Variants in SLC12A8 observed in about 807,000 individuals in gnomAD.
The protein encoded by SLC12A8 is cation-chloride cotransporter 9.
SLC12A8 carries 69 observed loss-of-function variants against 75.6 expected under a neutral mutation model. The observed-to-expected ratio is 0.91, with a 90% confidence interval of 0.75 to 1.11. The LOEUF (loss-of-function observed/expected upper bound fraction) is 1.11, where lower values mean the gene tolerates loss of function less well. Ranked by LOEUF, SLC12A8 falls within the 50% of genes most tolerant of loss-of-function variation. The probability of loss-of-function intolerance (pLI) is 0.00; values close to 1 mark genes in which losing one functional copy is unlikely to be tolerated. For synonymous variants in SLC12A8, 365 were observed against 372.8 expected (o/e 0.98, Z 0.24); for missense variants, 877 against 896.7 (o/e 0.98, Z 0.28).
At chr3:125,206,363 C>T (rs1202231428) in intron 2 of SLC12A8, among the ~76,000 whole-genome samples, 2 of 152,224 alleles carry the variant, frequency 1.3e-5, no homozygotes, top group African/African-American at 4.8e-5. Context: ...TCAATATTTA[C>T]GTCCTCCTGG....
chr3:125,088,231 CA>C, intron 13 of SLC12A8, 78 bp downstream of exon 13: 1 of 1,459,342 alleles, frequency 6.9e-7, no homozygotes, highest in Non-Finnish European at 9.6e-7. Context: ...CAAGCCCAGC[CA>C]GGAATGGGAC....
intron 7 of SLC12A8, 75 bp downstream of exon 7, chr3:125,120,524 G>A (rs1368068430): frequency 1.7e-5 from 18 of 1,055,206 alleles, no homozygotes; most frequent in Non-Finnish European, 2.3e-5. Flanking sequence ...CAGAACAAAA[G>A]GGGCAATCCC....
At chr3:125,116,962 G>A (rs1939325522) in intron 8 of SLC12A8, among the ~76,000 whole-genome samples, 1 of 152,158 alleles carries the variant, frequency 6.6e-6, no homozygotes. Context: ...TACAAATGAG[G>A]GCTATAGATT....
intron 4 of SLC12A8, among the ~76,000 whole-genome samples, chr3:125,184,131 C>A (rs887840391): frequency 1.3e-5 from 2 of 151,970 alleles, no homozygotes; most frequent in Admixed American, 6.6e-5. Context: ...CGCCACCACG[C>A]CTGGCTAATT....
intron 2 of SLC12A8, among the ~76,000 whole-genome samples, chr3:125,205,063 A>G (rs1002247321): frequency 2.6e-5 from 4 of 151,984 alleles, no homozygotes; most frequent in Non-Finnish European, 5.9e-5. Flanking sequence ...CCTGACCCCA[A>G]TCATCCCAGA....
intron 2 of SLC12A8, among the ~76,000 whole-genome samples, chr3:125,209,492 ATTACT>A (rs890768374): frequency 6.6e-6 from 1 of 152,146 alleles, no homozygotes; most frequent in African/African-American, 2.4e-5. Flanking sequence ...CACTTCCACC[ATTACT>A]TTAAGACTTA....
At chr3:125,198,269 AC>A (rs66514227) in intron 2 of SLC12A8, among the ~76,000 whole-genome samples, 18,259 of 147,936 alleles carry the variant, frequency 0.12, 1,531 homozygotes, top group Middle Eastern at 0.17. Context: ...AAAAAAAAAA[AC>A]AAAACAGTCA....
At chr3:125,190,597 G>A in intron 2 of SLC12A8, 76 bp from the exon 3 acceptor site, 1 of 1,544,820 alleles carries the variant, frequency 6.5e-7, no homozygotes, top group Non-Finnish European at 8.8e-7. Context: ...GGAACAGGAG[G>A]AGGGAGGTAG....
At chr3:125,135,620 G>A (rs774517113) in intron 6 of SLC12A8, 49 bp downstream of exon 6, 26 of 1,256,430 alleles carry the variant, frequency 2.1e-5, no homozygotes, top group Non-Finnish European at 2.9e-5. Flanking sequence ...TTGGAACCAA[G>A]AATGTATACC....
chr3:125,198,485 T>C (rs1268974860), intron 2 of SLC12A8, among the ~76,000 whole-genome samples: 1 of 151,926 alleles, frequency 6.6e-6, no homozygotes, highest in Non-Finnish European at 1.5e-5. Flanking sequence ...ATACAAAAAT[T>C]AGCTGGGTGT....
intron 6 of SLC12A8, among the ~76,000 whole-genome samples, chr3:125,133,370 C>A (rs895076342): frequency 1.6e-4 from 13 of 83,208 alleles, no homozygotes; most frequent in African/African-American, 4.3e-4. Flanking sequence ...CACGCACACA[C>A]ACACACACAA....
chr3:125,205,182 G>A (rs747763060), intron 2 of SLC12A8, among the ~76,000 whole-genome samples: 6 of 152,176 alleles, frequency 3.9e-5, no homozygotes, highest in Admixed American at 1.3e-4. Flanking sequence ...CTCTCCTGCA[G>A]AAACCCCAAT....
chr3:125,112,381 C>T (rs1469393851), intron 8 of SLC12A8, among the ~76,000 whole-genome samples: 1 of 152,134 alleles, frequency 6.6e-6, no homozygotes, highest in Non-Finnish European at 1.5e-5. Context: ...GTTTCCATCA[C>T]TTTATGTGAT....
At chr3:125,127,629 G>A (rs1933241269) in intron 6 of SLC12A8, among the ~76,000 whole-genome samples, 1 of 152,208 alleles carries the variant, frequency 6.6e-6, no homozygotes, top group East Asian at 1.9e-4. Context: ...GGACCTTGAA[G>A]CCCAGGCTTC....
Position 125,128,243 on chromosome 3 carries a change from G to C in SLC12A8, c.736+7426C>G, listed in dbSNP as rs1335730092. Among the ~76,000 whole-genome samples, 26 of 126,958 alleles carry C rather than the reference G, an allele frequency of 2.0e-4. 1 individual carries two copies. Among genetic ancestry groups the C allele is most frequent in the East Asian group, 1.4e-3 (6 of 4,218 alleles). 83.3% of individuals were successfully genotyped at this position (126,958 alleles called of 152,430 possible). A position where few individuals can be genotyped will look rare whatever the true frequency, so the allele number is the denominator to read the frequency against. ...TCGCCCAGGCTGGAGTGCAGTGGCG[G>C]GATCTCGGCTCACTGCAAGCTCCGC... On this transcript the variant is annotated intron_variant, in intron 6 of 13. Transcript: ENST00000469902.
At chr3:125,147,604 G>T (rs540298093) in intron 5 of SLC12A8, among the ~76,000 whole-genome samples, 3 of 152,282 alleles carry the variant, frequency 2.0e-5, no homozygotes, top group South Asian at 4.1e-4. Flanking sequence ...AGTCACTGGG[G>T]TGCTGGATGA....
chr3:125,150,152 C>T (rs1385956732), intron 5 of SLC12A8, among the ~76,000 whole-genome samples: 1 of 152,118 alleles, frequency 6.6e-6, no homozygotes, highest in Non-Finnish European at 1.5e-5. Context: ...GATTGGGAGA[C>T]CCATAATGGC....
intron 2 of SLC12A8, among the ~76,000 whole-genome samples, chr3:125,209,405 G>A (rs1405323925): frequency 6.6e-6 from 1 of 152,200 alleles, no homozygotes; most frequent in Non-Finnish European, 1.5e-5. Context: ...TATACAGTAA[G>A]TGCCCACTAA....
At chr3:125,162,164 C>A (rs1157058640) in intron 5 of SLC12A8, among the ~76,000 whole-genome samples, 1 of 152,258 alleles carries the variant, frequency 6.6e-6, no homozygotes, top group Non-Finnish European at 1.5e-5. Context: ...CTAGGGTTCT[C>A]CACACCTCCA....
Sources: allele counts gnomAD v4.1 joint callset (sites outside exome capture counted in the v4.1 genomes callset), GRCh38; gene constraint gnomAD v4.1.1; transcripts MANE v1.5; gene names NCBI Gene and HGNC (gene_info 2026-07-23, HGNC 2026-07-21).